Variants in TMEM275 observed in about 807,000 individuals in gnomAD.
TMEM275 encodes the protein transmembrane protein 275.
rs1288569628 is a variant in TMEM275 at position 46,532,700 on chromosome 1, C to G, written c.*294G>C. The G allele has an allele frequency of 3.1e-5, 8 of 260,108 alleles. No individual in the cohort carries two copies. In the East Asian group the frequency reaches 4.7e-4, roughly 15 times the overall value. 16.1% of individuals were successfully genotyped at this position (260,108 alleles called of 1,614,324 possible). A position where few individuals can be genotyped will look rare whatever the true frequency, so the allele number is the denominator to read the frequency against. On this transcript the variant is annotated 3_prime_UTR_variant, in exon 2 of 2. Coordinates refer to ENST00000634804, the Ensembl canonical transcript of TMEM275. ...GGTCCAGGGGCCTACTTTCAGCAAGCTGGATGGGTAAGGTTTACTAGAGAC... is the reference window on the plus strand; with the variant it reads ...GGTCCAGGGGCCTACTTTCAGCAAGGTGGATGGGTAAGGTTTACTAGAGAC...
At chr1:46,535,358 C>T (rs1666724864) in intron 1 of TMEM275, among the ~76,000 whole-genome samples, 1 of 152,064 alleles carries the variant, frequency 6.6e-6, no homozygotes, top group Non-Finnish European at 1.5e-5. Flanking sequence ...ACCAAGCTGG[C>T]AGGAAGTCAG....
At chr1:46,532,397 A>G (rs925943899) in exon 2 of TMEM275, 1 of 152,348 alleles carries the variant, frequency 6.6e-6, no homozygotes, top group African/African-American at 2.4e-5. Flanking sequence ...TCTAGGGACC[A>G]TCCTGGCCCA....
chr1:46,535,347 T>C (rs189442714), intron 1 of TMEM275, among the ~76,000 whole-genome samples: 114 of 152,244 alleles, frequency 7.5e-4, no homozygotes, highest in African/African-American at 2.7e-3. Flanking sequence ...CTTGTTGCCG[T>C]ACCAAGCTGG....
intron 1 of TMEM275, among the ~76,000 whole-genome samples, chr1:46,535,193 C>G (rs1275433655): frequency 6.6e-6 from 1 of 152,146 alleles, no homozygotes; most frequent in East Asian, 1.9e-4. Flanking sequence ...GTGTCAGATC[C>G]TTCACTTGCA....
At chr1:46,535,345 C>T (rs1225109726) in intron 1 of TMEM275, among the ~76,000 whole-genome samples, 4 of 152,126 alleles carry the variant, frequency 2.6e-5, no homozygotes, top group Admixed American at 6.5e-5. Flanking sequence ...ACCTTGTTGC[C>T]GTACCAAGCT....
intron 1 of TMEM275, among the ~76,000 whole-genome samples, chr1:46,535,258 G>C (rs1666723051): frequency 6.6e-6 from 1 of 152,226 alleles, no homozygotes; most frequent in South Asian, 2.1e-4. Context: ...GGCCTGTCCA[G>C]AGCTGATGAC....
In TMEM275 at chr1:46,533,396, C is replaced by G. The variant is rs1382625680; in HGVS notation, c.132G>C (p.Val44=). Residue 44 remains valine, a synonymous_variant, in exon 2 of 2, where the codon GTG becomes GTC. Transcript: ENST00000634804. The surrounding 1 kb of genome is among the most constrained non-coding windows in gnomAD (Gnocchi z 4.4). ...CGAAGGCGCCTGCCAGCGTCACGTT[C>G]ACGCCCGCCAGCAGCGCGCACAGAC... 2.6e-6 allele frequency: 1 copy of G among 378,456 alleles called. No individual in the cohort carries two copies. Among genetic ancestry groups the G allele is most frequent in the Non-Finnish European group, 4.7e-6 (1 of 213,016 alleles). The allele number at this position is 378,456 out of a possible 1,614,324, so 23.4% of individuals were successfully genotyped here. A position where few individuals can be genotyped will look rare whatever the true frequency, so the allele number is the denominator to read the frequency against.
rs1666689779 is a variant in TMEM275, at chr1:46,533,125, C to T, written c.403G>A (p.Ala135Thr). 5.1e-6 allele frequency: 2 copies of T among 390,154 alleles called. No individual in the cohort carries two copies. Among genetic ancestry groups the T allele is most frequent in the East Asian group, 7.3e-5 (2 of 27,320 alleles). 24.2% of individuals were successfully genotyped at this position (390,154 alleles called of 1,614,324 possible). A position where few individuals can be genotyped will look rare whatever the true frequency, so the allele number is the denominator to read the frequency against. Residue 135 changes from alanine to threonine, a missense_variant, in exon 2 of 2, where the codon GCC (alanine) becomes ACC (threonine). Coordinates refer to ENST00000634804, the Ensembl canonical transcript of TMEM275. This position sits in a 1 kb window ranked among gnomAD's most constrained non-coding sequence, Gnocchi z 4.4. Reference sequence around the variant, plus strand: ...GGGCTGGAGCAGCCGGAGGACGCGGCGGAGACGGCAGGGCTGAGCTGCACG... The same window carrying T: ...GGGCTGGAGCAGCCGGAGGACGCGGTGGAGACGGCAGGGCTGAGCTGCACG...
rs984891486 is a variant in TMEM275, at chr1:46,533,696, C to G, written c.-123-46G>C. 4.4e-5 allele frequency: 16 copies of G among 367,722 alleles called. No individual in the cohort carries two copies. The highest frequency in any genetic ancestry group is 7.3e-5 in the Non-Finnish European group (15 of 206,518). 22.8% of individuals were successfully genotyped at this position (367,722 alleles called of 1,614,324 possible). A position where few individuals can be genotyped will look rare whatever the true frequency, so the allele number is the denominator to read the frequency against. Reference sequence around the variant, plus strand: ...GGCGGCGTCAGCAGGGTATCTTGACCTCCAGTCCTAGGCTCCGTCTGTAGC... The same window carrying G: ...GGCGGCGTCAGCAGGGTATCTTGACGTCCAGTCCTAGGCTCCGTCTGTAGC... On this transcript the variant is annotated intron_variant, in intron 1 of 1. Coordinates refer to ENST00000634804, the Ensembl canonical transcript of TMEM275. This position sits in a 1 kb window ranked among gnomAD's most constrained non-coding sequence, Gnocchi z 4.4.
At position 46,535,366 on chromosome 1, in the gene TMEM275, C is replaced by G. The variant is rs1274535072; in HGVS notation, c.-123-1716G>C. 6.6e-6 allele frequency among the ~76,000 whole-genome samples: 1 copy of G among 151,632 alleles called. No individual in the cohort carries two copies. The highest frequency in any genetic ancestry group is 1.5e-5 in the Non-Finnish European group (1 of 67,976). On this transcript the variant is annotated intron_variant, in intron 1 of 1. An upstream open reading frame in the 5' UTR loses its in-frame stop. Transcript: ENST00000634804. ...TTGCCGTACCAAGCTGGCAGGAAGT[C>G]AGAAATCCCCAAATCTTAGCAAAGA... is the stretch of plus-strand genomic sequence containing the variant.
chr1:46,532,733 CCTGT>C (rs1350072298), exon 2 of TMEM275: 4 of 322,566 alleles, frequency 1.2e-5, no homozygotes, highest in South Asian at 1.6e-4. Flanking sequence ...GACCAGAGAC[CCTGT>C]CTAAGGGGCC....
chr1:46,533,492 G>T lies in TMEM275; in HGVS notation c.36C>A (p.Val12=). The change falls in exon 2 of 2, where the codon GTC becomes GTA. Residue 12 remains valine, a synonymous_variant. Coordinates refer to ENST00000634804, the Ensembl canonical transcript of TMEM275. The surrounding 1 kb of genome is among the most constrained non-coding windows in gnomAD (Gnocchi z 4.4). ...CCCGGGCGCGTTCCGCGGGCGCCGGGACCGGTGGCCCCTCGCTCTTTTCTG... is the reference window on the plus strand; with the variant it reads ...CCCGGGCGCGTTCCGCGGGCGCCGGTACCGGTGGCCCCTCGCTCTTTTCTG... The T allele has an allele frequency of 2.6e-6, 1 of 389,184 alleles. No homozygotes were observed. The highest frequency in any genetic ancestry group is 1.3e-4 in the South Asian group (1 of 7,758). 24.1% of individuals were successfully genotyped at this position (389,184 alleles called of 1,614,324 possible). A position where few individuals can be genotyped will look rare whatever the true frequency, so the allele number is the denominator to read the frequency against.
chr1:46,534,781 A>G (rs559428480), intron 1 of TMEM275, among the ~76,000 whole-genome samples, 198 bp from the exon 2 acceptor site: 1 of 152,204 alleles, frequency 6.6e-6, no homozygotes, highest in African/African-American at 2.4e-5. Flanking sequence ...GATGAAAGGG[A>G]AGTAATCAGA....
intron 1 of TMEM275, among the ~76,000 whole-genome samples, 140 bp from the exon 2 acceptor site, chr1:46,534,723 T>A (rs766876587): frequency 6.6e-6 from 1 of 152,146 alleles, no homozygotes; most frequent in Non-Finnish European, 1.5e-5. Flanking sequence ...GCTAGTGAGC[T>A]GTGTTAGAAT....
intron 1 of TMEM275, among the ~76,000 whole-genome samples, 120 bp from the exon 2 acceptor site, chr1:46,534,703 C>T (rs1569918098): frequency 6.6e-6 from 1 of 152,100 alleles, no homozygotes; most frequent in South Asian, 2.1e-4. Flanking sequence ...CCTCAAAGGA[C>T]GAGATCTTAG....
rs1196334764 is a variant in TMEM275 at position 46,533,086 on chromosome 1, G to GGGGGCT, written c.436_441dup (p.Ser146_Pro147dup). The GGGGGCT allele has an allele frequency of 1.3e-5, 5 of 392,984 alleles. No homozygotes were observed. The highest frequency in any genetic ancestry group is 3.6e-5 in the East Asian group (1 of 27,630). 24.3% of individuals were successfully genotyped at this position (392,984 alleles called of 1,614,324 possible). On this transcript the variant is annotated inframe_insertion, in exon 2 of 2. Transcript: ENST00000634804. The surrounding 1 kb of genome is among the most constrained non-coding windows in gnomAD (Gnocchi z 4.4). The stretch of plus-strand genomic sequence containing the variant: ...GCGGGCGCCGGGGCCTCCAGGGCGA[G>GGGGGCT]GGGGCTGGGGCCGGGGCTGGAGCAG...
chr1:46,533,445 G>A lies in TMEM275; in HGVS notation c.83C>T (p.Ser28Leu). 1 of 383,208 alleles carries A rather than the reference G, an allele frequency of 2.6e-6. No homozygotes were observed. The highest frequency in any genetic ancestry group is 4.5e-5 in the Admixed American group (1 of 22,166). The allele number at this position is 383,208 out of a possible 1,614,324, so 23.7% of individuals were successfully genotyped here. The change falls in exon 2 of 2, where the codon TCG (serine) becomes TTG (leucine). Residue 28 changes from serine (S) to leucine (L), a missense_variant. By Grantham distance (145) the Ser-to-Leu change is moderately radical. Coordinates refer to ENST00000634804, the Ensembl canonical transcript of TMEM275. The surrounding 1 kb of genome is among the most constrained non-coding windows in gnomAD (Gnocchi z 4.4). ...ACCGCAGGCGCAGCACAGCGCCGGC[G>A]ACGGCAGGCCGGGCACCCGGCCCCG...
exon 2 of TMEM275, chr1:46,532,832 G>T: frequency 2.6e-6 from 1 of 382,896 alleles, no homozygotes; most frequent in Non-Finnish European, 4.6e-6. Flanking sequence ...TGGAAAAGAT[G>T]AGGCCACCTG....
At position 46,533,788 on chromosome 1, in the gene TMEM275, A is replaced by G. The variant is rs1438394001; in HGVS notation, c.-123-138T>C. Reference sequence around the variant, plus strand: ...CCCCTGCCTCTGCCTCTGGGAAGCAACAAACCATCCCATATGTGAAGAATC... The same window carrying G: ...CCCCTGCCTCTGCCTCTGGGAAGCAGCAAACCATCCCATATGTGAAGAATC... On this transcript the variant is annotated intron_variant, in intron 1 of 1. Transcript: ENST00000634804. This position sits in a 1 kb window ranked among gnomAD's most constrained non-coding sequence, Gnocchi z 4.4. 6.6e-6 allele frequency among the ~76,000 whole-genome samples: 1 copy of G among 152,190 alleles called. No homozygotes were observed. The highest frequency in any genetic ancestry group is 2.4e-5 in the African/African-American group (1 of 41,456).
Sources: allele counts gnomAD v4.1 joint callset (sites outside exome capture counted in the v4.1 genomes callset), GRCh38; gene constraint gnomAD v4.1.1; non-coding constraint Gnocchi (gnomAD v3.1); transcripts MANE v1.5; gene names NCBI Gene and HGNC (gene_info 2026-07-23, HGNC 2026-07-21).